Variants in CAPN14 observed in about 807,000 individuals in gnomAD.
The protein encoded by CAPN14 is calpain-14.
A neutral mutation model predicts 101.3 loss-of-function variants in CAPN14; 94 were observed. That is an observed-to-expected ratio of 0.93 (90% confidence interval 0.79 to 1.10). The LOEUF (loss-of-function observed/expected upper bound fraction) is 1.10. Ranked by LOEUF, CAPN14 falls within the 50% of genes least tolerant of loss-of-function variation. CAPN14 has a pLI of 0.00. For synonymous variants in CAPN14, 338 were observed against 317.9 expected, an observed-to-expected ratio of 1.06 and a Z score of -0.67; for missense variants, 837 against 828.4, an observed-to-expected ratio of 1.01 and a Z score of -0.13.
chr2:31,233,292 A>C (rs1683253324), intron 1 of CAPN14, among the ~76,000 whole-genome samples: 2 of 152,184 alleles, frequency 1.3e-5, no homozygotes, highest in Admixed American at 1.3e-4. Flanking sequence ...CAGCTATGCC[A>C]AACTGTTTAC....
Position 31,186,495 on chromosome 2 carries a change from A to T in CAPN14, c.1588-10T>A. 1 of 1,545,150 alleles carries T rather than the reference A, an allele frequency of 6.5e-7. No individual in the cohort carries two copies. Among genetic ancestry groups the T allele is most frequent in the South Asian group, 1.2e-5 (1 of 82,932 alleles). On this transcript the variant is annotated splice_polypyrimidine_tract_variant and intron_variant, in intron 15 of 21. Coordinates refer to ENST00000403897, the MANE Select transcript of CAPN14 (RefSeq NM_001145122.2). Reference sequence around the variant, plus strand: ...CATTAATCTCTGGATGCTAAATAGAAAGCAGATTGGCAAGAAAAAATAACT... The same window carrying T: ...CATTAATCTCTGGATGCTAAATAGATAGCAGATTGGCAAGAAAAAATAACT...
chr2:31,223,597 C>T (rs1682927966), intron 2 of CAPN14, among the ~76,000 whole-genome samples: 1 of 145,190 alleles, frequency 6.9e-6, no homozygotes, highest in South Asian at 2.1e-4. Flanking sequence ...GGGACAATCT[C>T]GGCTCACTGC....
At chr2:31,233,171 T>C (rs1258809202) in intron 1 of CAPN14, among the ~76,000 whole-genome samples, 1 of 152,230 alleles carries the variant, frequency 6.6e-6, no homozygotes, top group Non-Finnish European at 1.5e-5. Flanking sequence ...CTGAGCATTT[T>C]GTTAATGTAA....
Position 31,211,671 on chromosome 2 carries a change from GCACACA to G in CAPN14, c.-53+5779_-53+5784del, listed in dbSNP as rs34380519. Among the ~76,000 whole-genome samples, 228 of 149,454 alleles carry G rather than the reference GCACACA, an allele frequency of 1.5e-3. 1 individual carries two copies. Among genetic ancestry groups the G allele is most frequent in the African/African-American group, 5.1e-3 (207 of 40,616 alleles). On this transcript the variant is annotated intron_variant, in intron 1 of 21. Transcript: ENST00000403897. ...TTATTAAATGAGCACGTGTGCATGT[GCACACA>G]CACACACACACACACACACACACGA...
intron 1 of CAPN14, among the ~76,000 whole-genome samples, chr2:31,206,334 G>A (rs913711802): frequency 5.3e-5 from 8 of 152,172 alleles, no homozygotes; most frequent in African/African-American, 1.7e-4. Context: ...CCCCACGGGC[G>A]GTCACAGGCT....
intron 1 of CAPN14, among the ~76,000 whole-genome samples, chr2:31,207,689 C>T (rs1682172026): frequency 6.6e-6 from 1 of 152,104 alleles, no homozygotes; most frequent in Admixed American, 6.6e-5. Flanking sequence ...ATCACTTGAG[C>T]CGGGAGGTAG....
At chr2:31,199,620 G>A (rs1681649558) in intron 6 of CAPN14, 88 bp from the exon 7 acceptor site, 4 of 1,036,066 alleles carry the variant, frequency 3.9e-6, no homozygotes. Context: ...CTGGAGCAGG[G>A]GTTTATGGAG....
At chr2:31,211,425 C>G (rs572154725) in intron 1 of CAPN14, among the ~76,000 whole-genome samples, 2 of 151,762 alleles carry the variant, frequency 1.3e-5, no homozygotes, top group African/African-American at 4.8e-5. Context: ...TACAGAAACT[C>G]GGTGGTATTC....
rs1406004932 is a variant in CAPN14, at chr2:31,230,422, A to G, written c.-177+3369T>C. On this transcript the variant is annotated intron_variant and NMD_transcript_variant, in intron 1 of 21. Transcript: ENST00000398824. The surrounding 1 kb of genome is among the most constrained non-coding windows in gnomAD (Gnocchi z 4.3). ...ATAGGACATGCACATCTTCAGCTTC[A>G]CTAAGCAATGCCAAACTGTTTCCCA... is the stretch of plus-strand genomic sequence containing the variant. Among the ~76,000 whole-genome samples the G allele has an allele frequency of 6.6e-6, 1 of 152,218 alleles. No individual in the cohort carries two copies. Among genetic ancestry groups the G allele is most frequent in the East Asian group, 1.9e-4 (1 of 5,196 alleles).
Position 31,181,095 on chromosome 2 carries a change from A to T in CAPN14, c.1646-95T>A, listed in dbSNP as rs145715824. ...GAGGCAGTGCTGCATGGGCCAGCTG[A>T]TGACCACCATGTATGTACGTGGGCT... On this transcript the variant is annotated intron_variant, in intron 16 of 21. Transcript: ENST00000403897. 984 of 909,308 alleles carry T rather than the reference A, an allele frequency of 1.1e-3. 17 individuals carry two copies. The East Asian group carries it at 0.023, about 21-fold the overall frequency. The allele number at this position is 909,308 out of a possible 1,614,324, so 56.3% of individuals were successfully genotyped here.
Position 31,198,310 on chromosome 2 carries a change from T to C in CAPN14, c.790-976A>G, listed in dbSNP as rs192035090. 7.3e-3 allele frequency among the ~76,000 whole-genome samples: 1,116 copies of C among 151,892 alleles called. 9 individuals are homozygous for C. The highest frequency in any genetic ancestry group is 0.014 in the East Asian group (72 of 5,098). On this transcript the variant is annotated intron_variant, in intron 7 of 21. Coordinates refer to ENST00000403897, the MANE Select transcript of CAPN14 (RefSeq NM_001145122.2). ...CGGAATCAAATGTTCATCTTACATA[T>C]GTTGATTGATGTCTCATGTCTCCCT...
At chr2:31,206,116 C>G (rs926721732) in intron 1 of CAPN14, among the ~76,000 whole-genome samples, 1 of 151,118 alleles carries the variant, frequency 6.6e-6, no homozygotes, top group Non-Finnish European at 1.5e-5. Flanking sequence ...CAATGCAACC[C>G]CTGGCTTCCA....
At chr2:31,190,202 C>G (rs1681110647) in intron 12 of CAPN14, among the ~76,000 whole-genome samples, 1 of 151,648 alleles carries the variant, frequency 6.6e-6, no homozygotes, top group African/African-American at 2.4e-5. Context: ...CCCTATTTTT[C>G]TCTCTTGCTT....
chr2:31,203,151 AAACAG>A lies in CAPN14; in HGVS notation c.226-17_226-13del, dbSNP rs1681884361. ...TTGCTGTGCAGCTCCTGGGAAAGAC[AAACAG>A]AATTGTCATTCTGACCTAGAACAAA... On this transcript the variant is annotated splice_polypyrimidine_tract_variant and intron_variant, in intron 2 of 21. Coordinates refer to ENST00000403897, the MANE Select transcript of CAPN14 (RefSeq NM_001145122.2). 1 of 1,551,000 alleles carries A rather than the reference AAACAG, an allele frequency of 6.4e-7. No homozygotes were observed. Among genetic ancestry groups the A allele is most frequent in the Admixed American group, 2.0e-5 (1 of 50,978 alleles).
In CAPN14 at chr2:31,205,341, T is replaced by A; in HGVS notation, c.107A>T (p.Glu36Val). The change falls in exon 2 of 22, where the codon GAG becomes GTG. Residue 36 changes from glutamate (E) to valine (V), a missense_variant. Glu to Val is a moderately radical substitution (Grantham distance 121). Transcript: ENST00000403897. ...AAAGAGGCAGCCATTCCTCAGGCAC[T>A]CTGCCAGCAGGGCCTCAAAGTCCTG... ...PQQDFEALLA[E>V]CLRNGCLFED... The A allele has an allele frequency of 6.4e-7, 1 of 1,551,272 alleles. No individual in the cohort carries two copies. The highest frequency in any genetic ancestry group is 1.2e-5 in the South Asian group (1 of 84,022).
In CAPN14 at chr2:31,193,717, G is replaced by C. The variant is rs373068687; in HGVS notation, c.951-423C>G. ...CCCTACTTGCTAACTTGTGGCCTGC[G>C]ACACTCTATTTAAGCTGTCTGATGC... On this transcript the variant is annotated intron_variant, in intron 9 of 21. Transcript: ENST00000403897. Among the ~76,000 whole-genome samples, 18 of 152,302 alleles carry C rather than the reference G, an allele frequency of 1.2e-4. 1 individual carries two copies. The highest frequency in any genetic ancestry group is 3.8e-4 in the African/African-American group (16 of 41,562).
intron 21 of CAPN14, among the ~76,000 whole-genome samples, chr2:31,175,454 G>T (rs1223814861): frequency 6.6e-6 from 1 of 152,232 alleles, no homozygotes; most frequent in African/African-American, 2.4e-5. Context: ...CTCTTCCTGT[G>T]ATAGCTCTTT....
chr2:31,180,763 A>G (rs2148672736), intron 17 of CAPN14, among the ~76,000 whole-genome samples, 173 bp downstream of exon 17: 1 of 152,254 alleles, frequency 6.6e-6, no homozygotes, highest in Admixed American at 6.5e-5. Flanking sequence ...AGTAAGTTTC[A>G]ACACTCTCTC....
intron 21 of CAPN14, among the ~76,000 whole-genome samples, 159 bp downstream of exon 21, chr2:31,176,424 GTGAA>G (rs142199034): frequency 3.9e-4 from 59 of 152,090 alleles, no homozygotes; most frequent in African/African-American, 1.2e-3. Context: ...TATTTGATGG[GTGAA>G]TGAATGAATG....
Sources: gnomAD v4.1 joint callset for allele counts (sites outside exome capture counted in the v4.1 genomes callset) on GRCh38, gnomAD v4.1.1 for gene constraint, Gnocchi (gnomAD v3.1) non-coding constraint, MANE v1.5 for transcripts, NCBI Gene and HGNC (gene_info 2026-07-23, HGNC 2026-07-21) for gene names.